NRP1: variants seen among roughly 807,000 people sequenced by gnomAD.
NRP1 encodes neuropilin 1.
In NRP1, 35 loss-of-function variants were observed where a neutral mutation model predicts 106.7. The observed-to-expected ratio is 0.33, with a 90% CI of 0.25 to 0.43. NRP1 has a LOEUF of 0.43. NRP1 is among the 20% of genes least tolerant of loss of function. NRP1 has a pLI of 1.00. For synonymous variants in NRP1, 437 were observed against 417.9 expected (o/e 1.05, Z -0.56); for missense variants, 1,024 against 1,170.4 (o/e 0.87, Z 1.83).
chr10:33,226,400 G>A, intron 6 of NRP1, 111 bp from the exon 7 acceptor site: 1 of 1,172,670 alleles, frequency 8.5e-7, no homozygotes, highest in Non-Finnish European at 1.2e-6. Context: ...GGGATCAACA[G>A]GGCCTCATTC....
intron 2 of NRP1, among the ~76,000 whole-genome samples, chr10:33,322,112 A>G (rs1479031734): frequency 1.3e-5 from 2 of 152,096 alleles, no homozygotes; most frequent in Admixed American, 1.3e-4. Flanking sequence ...ACCTGAGATT[A>G]AGTAGATGAC....
chr10:33,296,549 T>G (rs1016584623), intron 2 of NRP1, among the ~76,000 whole-genome samples: 1 of 152,088 alleles, frequency 6.6e-6, no homozygotes, highest in Non-Finnish European at 1.5e-5. Context: ...CAGCAGTAAC[T>G]GCTCAGCTGG....
chr10:33,285,534 T>C (rs1249631194), intron 2 of NRP1, among the ~76,000 whole-genome samples: 1 of 152,204 alleles, frequency 6.6e-6, no homozygotes, highest in Admixed American at 6.5e-5. Context: ...TTCTCATCCT[T>C]GCTCAAAACC....
chr10:33,268,499 G>C (rs1843078349), intron 3 of NRP1, among the ~76,000 whole-genome samples: 2 of 152,234 alleles, frequency 1.3e-5, no homozygotes, highest in African/African-American at 4.8e-5. Flanking sequence ...AATGGGCTTG[G>C]AGAGCAGGAT....
At chr10:33,272,178 C>CTA (rs1843353971) in intron 2 of NRP1, among the ~76,000 whole-genome samples, 1 of 151,854 alleles carries the variant, frequency 6.6e-6, no homozygotes, top group Non-Finnish European at 1.5e-5. Context: ...TGCAACGATG[C>CTA]TATCACTAGT....
At chr10:33,207,844 G>A in intron 9 of NRP1, 128 bp from the exon 10 acceptor site, 2 of 839,296 alleles carry the variant, frequency 2.4e-6, no homozygotes, top group African/African-American at 1.7e-5. Flanking sequence ...ACCACTTTGT[G>A]GTACATCTCT....
intron 12 of NRP1, among the ~76,000 whole-genome samples, chr10:33,193,878 TA>T (rs1050464175): frequency 6.6e-6 from 1 of 152,196 alleles, no homozygotes; most frequent in Admixed American, 6.5e-5. Context: ...GAATCCACCA[TA>T]AAAACTGTCC....
chr10:33,332,493 C>T (rs148057956), intron 1 of NRP1, among the ~76,000 whole-genome samples: 9 of 152,234 alleles, frequency 5.9e-5, no homozygotes, highest in African/African-American at 1.7e-4. Context: ...TCTAGTCACT[C>T]GACAGAGTCA....
Position 33,334,602 on chromosome 10 carries a change from C to T in NRP1, c.-220G>A, listed in dbSNP as rs1266447465. 8.5e-6 allele frequency: 3 copies of T among 352,180 alleles called. No individual in the cohort carries two copies. Among genetic ancestry groups the T allele is most frequent in the Admixed American group, 5.0e-5 (1 of 19,940 alleles). 21.8% of individuals were successfully genotyped at this position (352,180 alleles called of 1,614,324 possible). On this transcript the variant is annotated 5_prime_UTR_variant, in exon 1 of 17. Coordinates refer to ENST00000374867, the MANE Select transcript of NRP1 (RefSeq NM_003873.7). ...AAGTCGCCTGCATCCTGTCATTTAG[C>T]TCCGGCTTCCTCTCCCTTTTCCCAC...
intron 6 of NRP1, chr10:33,249,645 GA>G (rs1185504035): frequency 7.6e-5 from 28 of 369,024 alleles, no homozygotes; most frequent in South Asian, 1.3e-4. Flanking sequence ...GAATAATCTG[GA>G]AAAAAAGGCA....
chr10:33,249,521 A>G (rs1467214834), intron 6 of NRP1: 2 of 531,446 alleles, frequency 3.8e-6, no homozygotes. Flanking sequence ...TGATCGCACC[A>G]CTGATACACG....
chr10:33,327,419 A>T (rs893912257), intron 2 of NRP1, among the ~76,000 whole-genome samples: 1 of 152,172 alleles, frequency 6.6e-6, no homozygotes, highest in African/African-American at 2.4e-5. Context: ...ACAAGGAAAA[A>T]TATTAAATGT....
At chr10:33,254,850 C>A (rs570798646) in intron 5 of NRP1, among the ~76,000 whole-genome samples, 116 of 152,292 alleles carry the variant, frequency 7.6e-4, no homozygotes, top group African/African-American at 2.4e-3. Flanking sequence ...TCATAATGCT[C>A]ACAACAGTGA....
intron 13 of NRP1, among the ~76,000 whole-genome samples, chr10:33,187,612 T>C (rs901032430): frequency 6.6e-6 from 1 of 152,168 alleles, no homozygotes; most frequent in Admixed American, 6.5e-5. Context: ...TGACCCCCAC[T>C]GGGAACATTT....
At chr10:33,272,755 T>A (rs905500562) in intron 2 of NRP1, among the ~76,000 whole-genome samples, 1 of 152,154 alleles carries the variant, frequency 6.6e-6, no homozygotes, top group Non-Finnish European at 1.5e-5. Flanking sequence ...TGATTTGAAC[T>A]GTTGACTGTG....
intron 8 of NRP1, 163 bp from the exon 9 acceptor site, chr10:33,213,880 T>G (rs1838535116): frequency 1.6e-6 from 1 of 617,808 alleles, no homozygotes; most frequent in Non-Finnish European, 2.7e-6. Flanking sequence ...CCCTCAAACC[T>G]TCCTCCTGCT....
intron 12 of NRP1, chr10:33,195,480 A>C: frequency 1.9e-6 from 1 of 533,220 alleles, no homozygotes. Flanking sequence ...AAATAGTAAG[A>C]CTCTGAGTTG....
chr10:33,249,980 G>A (rs890816985), intron 6 of NRP1, among the ~76,000 whole-genome samples: 1 of 152,106 alleles, frequency 6.6e-6, no homozygotes, highest in Non-Finnish European at 1.5e-5. Context: ...TGGAAAGTCA[G>A]CTTCCAATAT....
chr10:33,198,827 A>T (rs1836997768), intron 11 of NRP1, among the ~76,000 whole-genome samples: 1 of 152,126 alleles, frequency 6.6e-6, no homozygotes, highest in African/African-American at 2.4e-5. Context: ...CCTGCCCTGT[A>T]TGTGGTTTGG....
Sources: allele counts gnomAD v4.1 joint callset (sites outside exome capture counted in the v4.1 genomes callset), GRCh38; gene constraint gnomAD v4.1.1; transcripts MANE v1.5; gene names NCBI Gene and HGNC (gene_info 2026-07-23, HGNC 2026-07-21).